Variants in TAFA2 observed in about 807,000 individuals in gnomAD.
TAFA2 encodes the protein chemokine-like protein TAFA-2.
TAFA2 carries 7 observed loss-of-function variants against 18.8 expected under a neutral mutation model. That is an observed-to-expected ratio of 0.37 (90% CI 0.21 to 0.70). The LOEUF (loss-of-function observed/expected upper bound fraction) is 0.70. TAFA2 is among the 30% of genes least tolerant of loss of function. The pLI is 0.53. For synonymous variants in TAFA2, 60 were observed against 54.2 expected, an observed-to-expected ratio of 1.11 and a Z score of -0.47; for missense variants, 122 against 158.1, an observed-to-expected ratio of 0.77 and a Z score of 1.23.
chr12:61,841,867 T>C (rs1298147035), intron 2 of TAFA2, among the ~76,000 whole-genome samples: 1 of 152,096 alleles, frequency 6.6e-6, no homozygotes, highest in Non-Finnish European at 1.5e-5. Flanking sequence ...ACAATTATTA[T>C]GTGTCCATAA....
chr12:62,101,022 C>T (rs1282855865), intron 1 of TAFA2, among the ~76,000 whole-genome samples: 4 of 152,104 alleles, frequency 2.6e-5, no homozygotes, highest in Non-Finnish European at 4.4e-5. Context: ...AAAACATACC[C>T]ATACTTGCAG....
chr12:62,114,990 A>C (rs970275041), intron 1 of TAFA2, among the ~76,000 whole-genome samples: 1 of 152,190 alleles, frequency 6.6e-6, no homozygotes, highest in Non-Finnish European at 1.5e-5. Context: ...GACTGATCTT[A>C]TGCAGTGTGA....
intron 1 of TAFA2, among the ~76,000 whole-genome samples, chr12:62,182,947 A>G (rs983592774): frequency 1.3e-5 from 2 of 152,240 alleles, no homozygotes; most frequent in Non-Finnish European, 2.9e-5. Context: ...CAAAACTCCA[A>G]GTAATATACT....
At chr12:62,114,824 C>T (rs999443249) in intron 1 of TAFA2, among the ~76,000 whole-genome samples, 4 of 152,156 alleles carry the variant, frequency 2.6e-5, no homozygotes, top group Non-Finnish European at 4.4e-5. Flanking sequence ...TACAAAGTCT[C>T]ACTATTATAT....
chr12:61,936,271 A>G (rs1406342740), intron 1 of TAFA2, among the ~76,000 whole-genome samples: 1 of 152,150 alleles, frequency 6.6e-6, no homozygotes, highest in Non-Finnish European at 1.5e-5. Flanking sequence ...ATTCAACAAA[A>G]TCCAGCATCC....
At position 61,822,496 on chromosome 12, in the gene TAFA2, T is replaced by C. The variant is rs144841804; in HGVS notation, c.106+44824A>G. On this transcript the variant is annotated intron_variant, in intron 2 of 4. Transcript: ENST00000416284. ...CGCAACTGTGAAGTATCAAAATGCA[T>C]AGAAAGTAAAATTGCTACCAAACTA... Among the ~76,000 whole-genome samples, 966 of 152,250 alleles carry C rather than the reference T, an allele frequency of 6.3e-3. 4 individuals carry two copies. The highest frequency in any genetic ancestry group is 0.02 in the African/African-American group (839 of 41,562).
At chr12:61,759,145 T>C (rs1344451913) in intron 2 of TAFA2, among the ~76,000 whole-genome samples, 1 of 152,180 alleles carries the variant, frequency 6.6e-6, no homozygotes, top group East Asian at 1.9e-4. Flanking sequence ...AAAACTCATC[T>C]GTTTTCCATT....
At chr12:61,850,474 A>G (rs1333580191) in intron 2 of TAFA2, among the ~76,000 whole-genome samples, 1 of 152,060 alleles carries the variant, frequency 6.6e-6, no homozygotes, top group Non-Finnish European at 1.5e-5. Flanking sequence ...TTTTCAATTA[A>G]TGAATTGTGC....
At chr12:61,851,226 G>C (rs986514392) in intron 2 of TAFA2, among the ~76,000 whole-genome samples, 1 of 152,050 alleles carries the variant, frequency 6.6e-6, no homozygotes, top group Non-Finnish European at 1.5e-5. Flanking sequence ...CATATAACAG[G>C]GAAACTAACC....
chr12:61,955,600 CAAAAAAAAAAAAAAAAAAAAAAA>C (rs869189343), intron 1 of TAFA2, among the ~76,000 whole-genome samples: 3 of 38,936 alleles, frequency 7.7e-5, no homozygotes, highest in African/African-American at 3.8e-4. Flanking sequence ...GACTCCATCT[CAAAAAAAAAAAAAAAAAAAAAAA>C]AAAAAAAAAA....
At chr12:62,127,041 A>G (rs533483058) in intron 1 of TAFA2, among the ~76,000 whole-genome samples, 10 of 152,216 alleles carry the variant, frequency 6.6e-5, no homozygotes, top group Admixed American at 5.9e-4. Context: ...ATTTGGATGA[A>G]CCCAAACACT....
At chr12:61,819,681 C>T (rs1872239719) in intron 2 of TAFA2, among the ~76,000 whole-genome samples, 1 of 152,116 alleles carries the variant, frequency 6.6e-6, no homozygotes, top group Non-Finnish European at 1.5e-5. Context: ...AATTCCACTG[C>T]ATCCAGATGC....
chr12:61,866,691 G>A (rs1874368439), intron 2 of TAFA2, among the ~76,000 whole-genome samples: 2 of 152,108 alleles, frequency 1.3e-5, no homozygotes, highest in South Asian at 2.1e-4. Context: ...TGGCAGAATT[G>A]AGCCTGCTGA....
intron 1 of TAFA2, among the ~76,000 whole-genome samples, chr12:62,199,560 T>C (rs913278195): frequency 2.0e-5 from 3 of 152,078 alleles, no homozygotes; most frequent in Admixed American, 6.6e-5. Context: ...TACAGCTACA[T>C]AGCATTCCAT....
chr12:61,899,272 G>A (rs1875992671), intron 1 of TAFA2, among the ~76,000 whole-genome samples: 1 of 151,932 alleles, frequency 6.6e-6, no homozygotes, highest in South Asian at 2.1e-4. Flanking sequence ...GAGTTCCAAA[G>A]TCACTTCCAC....
intron 1 of TAFA2, among the ~76,000 whole-genome samples, chr12:61,999,659 G>A (rs1346279144): frequency 6.6e-6 from 1 of 152,182 alleles, no homozygotes; most frequent in Non-Finnish European, 1.5e-5. Flanking sequence ...GTATCCGTAT[G>A]CTGAAGCGAA....
chr12:62,005,160 G>T (rs1214557290), intron 1 of TAFA2, among the ~76,000 whole-genome samples: 2 of 152,076 alleles, frequency 1.3e-5, no homozygotes, highest in Non-Finnish European at 2.9e-5. Context: ...CTAGAAATTT[G>T]CTAGAAGAGT....
intron 2 of TAFA2, among the ~76,000 whole-genome samples, chr12:61,805,425 T>A: frequency 6.6e-6 from 1 of 152,216 alleles, no homozygotes; most frequent in East Asian, 1.9e-4. Flanking sequence ...TGCCATACTA[T>A]ATTTACAATA....
intron 1 of TAFA2, among the ~76,000 whole-genome samples, chr12:62,180,742 T>A (rs899876111): frequency 9.9e-5 from 15 of 152,042 alleles, no homozygotes; most frequent in Admixed American, 8.5e-4. Flanking sequence ...GCCAAAAAAA[T>A]TTAGTATCAT....
Sources: allele counts gnomAD v4.1 joint callset (sites outside exome capture counted in the v4.1 genomes callset), GRCh38; gene constraint gnomAD v4.1.1; transcripts MANE v1.5; gene names NCBI Gene and HGNC (gene_info 2026-07-23, HGNC 2026-07-21).